The following ST3GAL5 variants were observed in gnomAD, a reference collection of about 807,000 sequenced individuals.
ST3GAL5 encodes the protein lactosylceramide alpha-2,3-sialyltransferase.
Under a neutral mutation model 46.1 loss-of-function variants are expected in ST3GAL5, and 25 were observed. That is an observed-to-expected ratio of 0.54 (90% CI 0.40 to 0.76). The LOEUF (loss-of-function observed/expected upper bound fraction) is 0.76. ST3GAL5 is among the 30% of genes least tolerant of loss of function. ST3GAL5 has a pLI of 0.00. For synonymous variants in ST3GAL5, 182 were observed against 192.7 expected, an observed-to-expected ratio of 0.94 and a Z score of 0.46; for missense variants, 431 against 521.2, an observed-to-expected ratio of 0.83 and a Z score of 1.69.
chr2:85,883,705 C>T (rs904702554), intron 1 of ST3GAL5, among the ~76,000 whole-genome samples: 19 of 152,150 alleles, frequency 1.2e-4, no homozygotes, highest in African/African-American at 2.9e-4. Context: ...CACCCTGAGA[C>T]GCTAGAAAAG....
chr2:85,848,521 G>A (rs746715944), intron 3 of ST3GAL5: 93 of 719,962 alleles, frequency 1.3e-4, no homozygotes, highest in Admixed American at 9.6e-5. Context: ...ACTTCGGGGT[G>A]TCTAAGACTT....
chr2:85,873,762 G>A (rs1223396248), intron 1 of ST3GAL5, among the ~76,000 whole-genome samples: 2 of 152,194 alleles, frequency 1.3e-5, no homozygotes, highest in Non-Finnish European at 2.9e-5. Context: ...AGGGACCTTA[G>A]CTGGAGCATC....
intron 3 of ST3GAL5, among the ~76,000 whole-genome samples, chr2:85,857,097 A>AT (rs1684211987): frequency 7.6e-6 from 1 of 132,290 alleles, no homozygotes; most frequent in African/African-American, 2.7e-5. Flanking sequence ...AAAAAAAAAA[A>AT]TAGGCACGTA....
chr2:85,853,440 G>C (rs936423022), intron 3 of ST3GAL5: 16 of 247,506 alleles, frequency 6.5e-5, no homozygotes, highest in African/African-American at 3.1e-4. Flanking sequence ...CTGCTGAGTG[G>C]AACCAACAGA....
intron 3 of ST3GAL5, chr2:85,848,739 G>A: frequency 6.0e-6 from 1 of 165,616 alleles, no homozygotes. Flanking sequence ...TTTCGGTTTT[G>A]CAAGATGAAA....
At chr2:85,886,429 G>A (rs974741011) in intron 1 of ST3GAL5, among the ~76,000 whole-genome samples, 4 of 152,058 alleles carry the variant, frequency 2.6e-5, no homozygotes, top group Non-Finnish European at 4.4e-5. Flanking sequence ...CCAGGGTCCC[G>A]GCCAGTTCTG....
Position 85,847,928 on chromosome 2 carries a change from C to T in ST3GAL5, c.595G>A (p.Gly199Arg), listed in dbSNP as rs1348033289. ...AATCCGTGCAGTATTCCTCCGCTTC[C>T]AATAACCACACAGCGCCGACAGGTC... is the stretch of plus-strand genomic sequence containing the variant. ...AKTCRRCVVI[G>R]SGGILHGLEL... Residue 199 changes from glycine to arginine, a missense_variant, in exon 4 of 7, where the codon GGA (glycine) becomes AGA (arginine). Coordinates refer to ENST00000638572, the MANE Select transcript of ST3GAL5 (RefSeq NM_003896.4). 3 of 1,614,072 alleles carry T rather than the reference C, an allele frequency of 1.9e-6. No individual in the cohort carries two copies. Among genetic ancestry groups the T allele is most frequent in the African/African-American group, 2.7e-5 (2 of 74,936 alleles).
At chr2:85,848,326 A>G in intron 3 of ST3GAL5, 122 bp from the exon 4 acceptor site, 1 of 1,601,696 alleles carries the variant, frequency 6.2e-7, no homozygotes, top group Non-Finnish European at 8.5e-7. Context: ...CTGTCTTTTA[A>G]CACAGAATAT....
chr2:85,846,189 A>ATGAG, intron 5 of ST3GAL5, 188 bp downstream of exon 5: 1 of 607,646 alleles, frequency 1.6e-6, no homozygotes, highest in Non-Finnish European at 2.9e-6. Context: ...GGACAACAGA[A>ATGAG]TGAGACTCCA....
rs1316875085 is a variant in ST3GAL5 at position 85,863,556 on chromosome 2, C to T, written c.83-71G>A. 7.7e-6 allele frequency: 12 copies of T among 1,553,454 alleles called. No individual in the cohort carries two copies. The African/African-American group carries it at 1.4e-4, about 18-fold the overall frequency. On this transcript the variant is annotated intron_variant, in intron 1 of 6. Coordinates refer to ENST00000638572, the MANE Select transcript of ST3GAL5 (RefSeq NM_003896.4). Reference sequence around the variant, plus strand: ...AGTTAGGAGGATGGATTATGGTTTTCAAAGAGCCTTTATATGTTGCATCCA... The same window carrying T: ...AGTTAGGAGGATGGATTATGGTTTTTAAAGAGCCTTTATATGTTGCATCCA...
intron 3 of ST3GAL5, chr2:85,856,574 CTTTTT>C (rs372315588): frequency 6.7e-6 from 1 of 148,522 alleles, no homozygotes; most frequent in African/African-American, 2.5e-5. Flanking sequence ...CACTGTATCC[CTTTTT>C]TTTTTCTCAG....
In ST3GAL5 at chr2:85,839,997, G is replaced by T; in HGVS notation, c.*147C>A. 8.0e-7 allele frequency: 1 copy of T among 1,252,698 alleles called. No individual in the cohort carries two copies. Among genetic ancestry groups the T allele is most frequent in the Non-Finnish European group, 1.1e-6 (1 of 906,342 alleles). 77.6% of individuals were successfully genotyped at this position (1,252,698 alleles called of 1,614,324 possible). On this transcript the variant is annotated 3_prime_UTR_variant, in exon 7 of 7. Coordinates refer to ENST00000638572, the MANE Select transcript of ST3GAL5 (RefSeq NM_003896.4). ...AAATAGGAAAAAAAAAGTGGGAAGA[G>T]CTAAAATTTTTTTTGTGTTTTTAAA...
intron 2 of ST3GAL5, among the ~76,000 whole-genome samples, chr2:85,861,645 TAAAAAAAAAAAA>T (rs3046643): frequency 8.1e-6 from 1 of 123,778 alleles, no homozygotes; most frequent in South Asian, 2.7e-4. Flanking sequence ...TGTCAGTCCT[TAAAAAAAAAAAA>T]AAAAAAGAAA....
intron 1 of ST3GAL5, among the ~76,000 whole-genome samples, chr2:85,886,337 A>C (rs1431194912): frequency 6.6e-6 from 1 of 152,172 alleles, no homozygotes; most frequent in African/African-American, 2.4e-5. Flanking sequence ...GAGGAGGCTA[A>C]GGCAGGAGGA....
chr2:85,877,715 G>C (rs1268297802), intron 1 of ST3GAL5, among the ~76,000 whole-genome samples: 1 of 152,164 alleles, frequency 6.6e-6, no homozygotes, highest in Non-Finnish European at 1.5e-5. Flanking sequence ...GTATCCACCA[G>C]TAGATTCTTG....
chr2:85,863,911 T>G (rs1371449172), intron 1 of ST3GAL5, among the ~76,000 whole-genome samples: 1 of 152,144 alleles, frequency 6.6e-6, no homozygotes, highest in East Asian at 1.9e-4. Flanking sequence ...TTTCACCCTG[T>G]TAGTCAGGCT....
At chr2:85,854,983 G>T (rs1249270436) in intron 3 of ST3GAL5, 1 of 152,294 alleles carries the variant, frequency 6.6e-6, no homozygotes, top group East Asian at 1.9e-4. Context: ...AGCAAAGAAA[G>T]AAAGAATGCA....
intron 1 of ST3GAL5, chr2:85,867,538 C>A: frequency 1.3e-6 from 1 of 778,876 alleles, no homozygotes; most frequent in South Asian, 1.3e-5. Context: ...GCAAACCCAC[C>A]CCCAAAGGCC....
intron 6 of ST3GAL5, among the ~76,000 whole-genome samples, chr2:85,843,354 A>G (rs1682383461): frequency 1.3e-5 from 2 of 152,218 alleles, no homozygotes; most frequent in Admixed American, 1.3e-4. Context: ...TATCCTCCAG[A>G]AAAAGTGCCA....
Sources: allele counts gnomAD v4.1 joint callset (sites outside exome capture counted in the v4.1 genomes callset), GRCh38; gene constraint gnomAD v4.1.1; transcripts MANE v1.5; gene names NCBI Gene and HGNC (gene_info 2026-07-23, HGNC 2026-07-21).